NRXN3: variants seen among roughly 807,000 people sequenced by gnomAD.
NRXN3 encodes the protein neurexin 3, also known as neurexin III.
A neutral mutation model predicts 137.6 loss-of-function variants in NRXN3; 32 were observed. That is an observed-to-expected ratio of 0.23 (90% confidence interval 0.18 to 0.31). The LOEUF (loss-of-function observed/expected upper bound fraction) is 0.31, where lower values mean the gene tolerates loss of function less well. NRXN3 is among the 10% of genes least tolerant of loss of function. The probability of loss-of-function intolerance (pLI) is 1.00; values close to 1 mark genes in which losing one functional copy is unlikely to be tolerated. For missense variants in NRXN3, 1,574 were observed against 2,062.5 expected (o/e 0.76, Z 4.59); for synonymous variants, 798 against 784.5 (o/e 1.02, Z -0.29).
chr14:79,538,782 C>A (rs1402160331), intron 16 of NRXN3, among the ~76,000 whole-genome samples: 1 of 152,164 alleles, frequency 6.6e-6, no homozygotes, highest in African/African-American at 2.4e-5. Context: ...GTGTCAGTCC[C>A]TCCTTCTGTA....
At chr14:78,898,633 T>C (rs2099185951) in intron 10 of NRXN3, among the ~76,000 whole-genome samples, 1 of 151,342 alleles carries the variant, frequency 6.6e-6, no homozygotes, top group Admixed American at 6.6e-5. Context: ...TTATATTCCA[T>C]AGATTCATAG....
At chr14:79,270,372 A>T (rs950279271) in intron 15 of NRXN3, among the ~76,000 whole-genome samples, 2 of 152,238 alleles carry the variant, frequency 1.3e-5, no homozygotes, top group Admixed American at 6.5e-5. Context: ...GTATTGCACA[A>T]ATATCCATTA....
At chr14:78,386,872 C>G (rs1249177899) in intron 4 of NRXN3, among the ~76,000 whole-genome samples, 1 of 152,046 alleles carries the variant, frequency 6.6e-6, no homozygotes, top group East Asian at 1.9e-4. Flanking sequence ...CCTCTGCCTC[C>G]CATTTCAAGT....
At chr14:79,024,678 T>C (rs1387675985) in intron 15 of NRXN3, among the ~76,000 whole-genome samples, 6 of 152,172 alleles carry the variant, frequency 3.9e-5, no homozygotes, top group African/African-American at 1.2e-4. Context: ...CTTTCAGGGC[T>C]TGGTAAAACA....
intron 4 of NRXN3, among the ~76,000 whole-genome samples, chr14:78,492,194 C>T (rs1386534307): frequency 6.6e-6 from 1 of 152,146 alleles, no homozygotes; most frequent in East Asian, 1.9e-4. Flanking sequence ...CTTTTACTTT[C>T]CAGTTATCCA....
chr14:79,075,694 A>G (rs73322876), intron 15 of NRXN3, among the ~76,000 whole-genome samples: 6,470 of 152,244 alleles, frequency 0.042, 507 homozygotes, highest in African/African-American at 0.15. Context: ...TTGATGCCAA[A>G]TGCATGCTGT....
intron 16 of NRXN3, among the ~76,000 whole-genome samples, chr14:79,607,839 C>T (rs1031164763): frequency 6.6e-6 from 1 of 151,750 alleles, no homozygotes; most frequent in Non-Finnish European, 1.5e-5. Context: ...CCACCATGCC[C>T]GGCTAATTTT....
At chr14:79,051,855 C>T (rs764980026) in intron 15 of NRXN3, among the ~76,000 whole-genome samples, 8 of 152,138 alleles carry the variant, frequency 5.3e-5, no homozygotes, top group South Asian at 2.1e-4. Flanking sequence ...AGACGGATAT[C>T]GAACTTGACC....
At chr14:79,425,708 A>G (rs2095645790) in intron 15 of NRXN3, among the ~76,000 whole-genome samples, 1 of 152,162 alleles carries the variant, frequency 6.6e-6, no homozygotes, top group Non-Finnish European at 1.5e-5. Flanking sequence ...ATCCAGTTCT[A>G]ATATTAAAAC....
At chr14:78,833,292 C>T (rs1026677245) in intron 10 of NRXN3, among the ~76,000 whole-genome samples, 2 of 152,148 alleles carry the variant, frequency 1.3e-5, no homozygotes, top group Non-Finnish European at 2.9e-5. Flanking sequence ...CTTCAGGAAC[C>T]CTTAGAGCCT....
intron 15 of NRXN3, among the ~76,000 whole-genome samples, chr14:79,180,381 C>T (rs909251609): frequency 3.9e-5 from 6 of 152,012 alleles, no homozygotes; most frequent in African/African-American, 1.4e-4. Flanking sequence ...CCCATTTTTC[C>T]CCCTTGGCCA....
intron 15 of NRXN3, among the ~76,000 whole-genome samples, chr14:79,031,983 G>T (rs1206741477): frequency 5.3e-5 from 8 of 151,988 alleles, no homozygotes; most frequent in Admixed American, 3.3e-4. Context: ...TAACCCAACC[G>T]GACTAAGACA....
intron 16 of NRXN3, among the ~76,000 whole-genome samples, chr14:79,569,602 C>CGT (rs3061386): frequency 0.14 from 20,546 of 145,392 alleles, 1,470 homozygotes; most frequent in African/African-American, 0.18. Flanking sequence ...GAATGAGCAA[C>CGT]GTGTGTGTGT....
At chr14:78,797,023 C>CA (rs2098824001) in intron 8 of NRXN3, among the ~76,000 whole-genome samples, 1 of 152,022 alleles carries the variant, frequency 6.6e-6, no homozygotes, top group African/African-American at 2.4e-5. Flanking sequence ...CACACATATA[C>CA]AACAGACAAA....
chr14:79,387,126 T>A (rs865812131), intron 15 of NRXN3, among the ~76,000 whole-genome samples: 7 of 152,034 alleles, frequency 4.6e-5, no homozygotes, highest in Admixed American at 2.0e-4. Flanking sequence ...CTAAAGAGCT[T>A]CTGCACAGCA....
chr14:78,807,189 A>T (rs941001970), intron 9 of NRXN3, among the ~76,000 whole-genome samples: 2 of 152,188 alleles, frequency 1.3e-5, no homozygotes, highest in South Asian at 4.1e-4. Context: ...ATTGAGCTGC[A>T]CTAGGGAAAA....
At chr14:79,840,823 GTAATTA>G (rs1371580662) in intron 20 of NRXN3, among the ~76,000 whole-genome samples, 1 of 152,100 alleles carries the variant, frequency 6.6e-6, no homozygotes, top group Non-Finnish European at 1.5e-5. Context: ...TTTTAATTAT[GTAATTA>G]TAATTTTTGT....
intron 4 of NRXN3, among the ~76,000 whole-genome samples, chr14:78,525,091 T>C (rs1444462670): frequency 6.6e-6 from 1 of 152,232 alleles, no homozygotes; most frequent in Non-Finnish European, 1.5e-5. Context: ...AGATGTTACA[T>C]GGAAAATTCA....
intron 15 of NRXN3, among the ~76,000 whole-genome samples, chr14:79,305,483 A>G (rs1258360621): frequency 6.6e-6 from 1 of 152,028 alleles, no homozygotes; most frequent in African/African-American, 2.4e-5. Context: ...GTACCCTGAC[A>G]TTTTACAGAT....
Sources: gnomAD v4.1 joint callset for allele counts (sites outside exome capture counted in the v4.1 genomes callset) on GRCh38, gnomAD v4.1.1 for gene constraint, MANE v1.5 for transcripts, NCBI Gene and HGNC (gene_info 2026-07-23, HGNC 2026-07-21) for gene names.